HDAC9: variants seen among roughly 807,000 people sequenced by gnomAD.
HDAC9 encodes the protein histone deacetylase 9.
Under a neutral mutation model 139.4 loss-of-function variants are expected in HDAC9, and 41 were observed. The ratio of observed to expected loss-of-function variants is 0.29; its 90% confidence interval spans 0.23 to 0.38. The LOEUF (loss-of-function observed/expected upper bound fraction) is 0.38. HDAC9 is among the 10% of genes least tolerant of loss of function. HDAC9 has a pLI of 1.00. For synonymous variants in HDAC9, 517 were observed against 476.2 expected, an observed-to-expected ratio of 1.09 and a Z score of -1.12; for missense variants, 1,147 against 1,297.0, an observed-to-expected ratio of 0.88 and a Z score of 1.78.
chr7:18,154,747 A>G (rs1301018478), intron 1 of HDAC9, among the ~76,000 whole-genome samples: 1 of 152,224 alleles, frequency 6.6e-6, no homozygotes, highest in Non-Finnish European at 1.5e-5. Context: ...ATTTTAAAAA[A>G]TGTACACAAT....
chr7:18,888,012 G>A (rs1800318803), intron 22 of HDAC9, among the ~76,000 whole-genome samples: 1 of 152,172 alleles, frequency 6.6e-6, no homozygotes, highest in African/African-American at 2.4e-5. Flanking sequence ...CAGACCAAGA[G>A]TAACTTTTAT....
At chr7:18,638,545 T>C (rs758415867) in intron 8 of HDAC9, among the ~76,000 whole-genome samples, 28 of 152,086 alleles carry the variant, frequency 1.8e-4, no homozygotes, top group Admixed American at 5.2e-4. Context: ...CCCAGATTCC[T>C]GATCTAGGAG....
chr7:18,980,840 T>A (rs967757148), intron 25 of HDAC9, among the ~76,000 whole-genome samples: 11 of 151,420 alleles, frequency 7.3e-5, no homozygotes, highest in African/African-American at 2.7e-4. Flanking sequence ...TCTTTTTTTT[T>A]TGAGATGGAG....
At chr7:18,399,937 A>G (rs1787385529) in intron 1 of HDAC9, among the ~76,000 whole-genome samples, 1 of 152,196 alleles carries the variant, frequency 6.6e-6, no homozygotes, top group Non-Finnish European at 1.5e-5. Context: ...GCAGCAATGT[A>G]TGCTTAGGAG....
At chr7:18,442,917 G>A (rs1791921828) in intron 1 of HDAC9, among the ~76,000 whole-genome samples, 1 of 152,174 alleles carries the variant, frequency 6.6e-6, no homozygotes, top group Admixed American at 6.5e-5. Context: ...ATCACAAGGG[G>A]CTATATTTGG....
chr7:18,982,200 C>G (rs1327467571), intron 25 of HDAC9, among the ~76,000 whole-genome samples: 3 of 152,146 alleles, frequency 2.0e-5, no homozygotes, highest in African/African-American at 4.8e-5. Flanking sequence ...ATCTCTCATC[C>G]AAACTTTTAC....
At chr7:18,206,377 A>G (rs1584629113) in intron 2 of HDAC9, among the ~76,000 whole-genome samples, 1 of 152,238 alleles carries the variant, frequency 6.6e-6, no homozygotes, top group Non-Finnish European at 1.5e-5. Flanking sequence ...TCATTATTCC[A>G]GTTTCTAAAC....
At chr7:18,414,021 G>T (rs1456172884) in intron 1 of HDAC9, among the ~76,000 whole-genome samples, 2 of 152,058 alleles carry the variant, frequency 1.3e-5, no homozygotes, top group Non-Finnish European at 2.9e-5. Flanking sequence ...CCCCTCAGAA[G>T]GAAATTAGAA....
chr7:18,771,822 G>A (rs1391445742), intron 16 of HDAC9, among the ~76,000 whole-genome samples: 1 of 152,072 alleles, frequency 6.6e-6, no homozygotes, highest in African/African-American at 2.4e-5. Flanking sequence ...TAAACTCAAT[G>A]CGACAAAAGC....
At chr7:18,883,395 C>A (rs1799877322) in intron 22 of HDAC9, among the ~76,000 whole-genome samples, 1 of 151,980 alleles carries the variant, frequency 6.6e-6, no homozygotes, top group South Asian at 2.1e-4. Context: ...ATAGGCAAAT[C>A]CACAAATGTG....
intron 1 of HDAC9, among the ~76,000 whole-genome samples, chr7:18,424,674 T>C (rs978759662): frequency 2.0e-5 from 3 of 152,176 alleles, no homozygotes; most frequent in Non-Finnish European, 4.4e-5. Context: ...TTTGGGTGGC[T>C]GAGGCAGACA....
intron 12 of HDAC9, among the ~76,000 whole-genome samples, chr7:18,676,733 A>G (rs1269319161): frequency 2.6e-5 from 4 of 151,880 alleles, no homozygotes; most frequent in African/African-American, 9.7e-5. Context: ...TATCACCTAC[A>G]AATCTTAAAA....
intron 2 of HDAC9, among the ~76,000 whole-genome samples, chr7:18,531,184 T>A (rs1045613072): frequency 2.6e-5 from 4 of 152,114 alleles, no homozygotes; most frequent in African/African-American, 7.2e-5. Flanking sequence ...TTATAATAAT[T>A]ATTATTAATT....
At chr7:18,173,939 G>A (rs1035988519) in intron 2 of HDAC9, among the ~76,000 whole-genome samples, 3 of 152,144 alleles carry the variant, frequency 2.0e-5, no homozygotes, top group Admixed American at 6.5e-5. Context: ...TGCTCTTCTC[G>A]AGGAGGAGTA....
chr7:18,856,041 C>G (rs2129227828), intron 21 of HDAC9, among the ~76,000 whole-genome samples: 1 of 152,222 alleles, frequency 6.6e-6, no homozygotes, highest in East Asian at 1.9e-4. Flanking sequence ...GTTTGCTTTG[C>G]ACACAGACCC....
intron 6 of HDAC9, 129 bp downstream of exon 6, chr7:18,594,158 A>G (rs1831803389): frequency 2.3e-5 from 19 of 834,556 alleles, no homozygotes; most frequent in Non-Finnish European, 3.4e-5. Context: ...CCCTGCCCCC[A>G]GCATAAGCAA....
chr7:18,743,185 G>A (rs1787614389), intron 13 of HDAC9, among the ~76,000 whole-genome samples: 1 of 151,952 alleles, frequency 6.6e-6, no homozygotes, highest in South Asian at 2.1e-4. Context: ...CTTACATGCT[G>A]GTTGAATCTC....
At chr7:18,478,216 C>T (rs987099941) in intron 1 of HDAC9, among the ~76,000 whole-genome samples, 3 of 152,086 alleles carry the variant, frequency 2.0e-5, no homozygotes, top group African/African-American at 4.8e-5. Flanking sequence ...GGACTACAGG[C>T]GCCCGCCACC....
At chr7:18,629,058 C>G (rs924861981) in intron 6 of HDAC9, among the ~76,000 whole-genome samples, 4 of 152,124 alleles carry the variant, frequency 2.6e-5, no homozygotes, top group African/African-American at 7.2e-5. Context: ...TTCCCATTAA[C>G]AATCCCAAAT....
Sources: allele counts gnomAD v4.1 joint callset (sites outside exome capture counted in the v4.1 genomes callset), GRCh38; gene constraint gnomAD v4.1.1; transcripts MANE v1.5; gene names NCBI Gene and HGNC (gene_info 2026-07-23, HGNC 2026-07-21).